Variants in ZC3H6 observed in about 807,000 individuals in gnomAD.
The protein encoded by ZC3H6 is zinc finger CCCH-type containing 6, also known as zinc finger CCCH domain-containing protein 6.
In ZC3H6, 40 loss-of-function variants were observed where a neutral mutation model predicts 107.7. That is an observed-to-expected ratio of 0.37 (90% CI 0.29 to 0.48). The LOEUF is 0.48. ZC3H6 is among the 20% of genes least tolerant of loss of function. The probability of loss-of-function intolerance (pLI) is 0.98; values close to 1 mark genes in which losing one functional copy is unlikely to be tolerated. For missense variants in ZC3H6, 1,267 were observed against 1,410.4 expected (o/e 0.90, Z 1.63); for synonymous variants, 493 against 487.9 (o/e 1.01, Z -0.14).
At chr2:112,297,993 T>C (rs990915985) in intron 1 of ZC3H6, among the ~76,000 whole-genome samples, 1 of 152,132 alleles carries the variant, frequency 6.6e-6, no homozygotes, top group Non-Finnish European at 1.5e-5. Flanking sequence ...CGTGTGCCTG[T>C]AATCCCAGCT....
rs1677185217 is a variant in ZC3H6, at chr2:112,338,853, GTGTATATATATATATATATATATATATA to G, written c.*6367_*6394del. The G allele has an allele frequency of 1.9e-5, 2 of 106,974 alleles. No individual in the cohort carries two copies. Among genetic ancestry groups the G allele is most frequent in the African/African-American group, 5.7e-5 (2 of 34,906 alleles). The allele number at this position is 106,974 out of a possible 1,614,324, so 6.6% of individuals were successfully genotyped here. A position where few individuals can be genotyped will look rare whatever the true frequency, so the allele number is the denominator to read the frequency against. On this transcript the variant is annotated 3_prime_UTR_variant, in exon 12 of 12. Coordinates refer to ENST00000409871, the MANE Select transcript of ZC3H6 (RefSeq NM_198581.3). ...ACTATATATATATGTATGTATATGTGTGTATATATATATATATATATATATATATATATATATATATATATATATATAT... is the reference window on the plus strand; with the variant it reads ...ACTATATATATATGTATGTATATGTGTATATATATATATATATATATATAT...
Position 112,275,901 on chromosome 2 carries a change from G to GGTTCCCGCAGGCGGCGCGGGGGGT in ZC3H6, c.-93_-70dup. The GGTTCCCGCAGGCGGCGCGGGGGGT allele has an allele frequency of 8.6e-7, 1 of 1,161,112 alleles. No individual in the cohort carries two copies. Among genetic ancestry groups the GGTTCCCGCAGGCGGCGCGGGGGGT allele is most frequent in the Non-Finnish European group, 1.2e-6 (1 of 841,416 alleles). The allele number at this position is 1,161,112 out of a possible 1,614,324, so 71.9% of individuals were successfully genotyped here. ...CACCTGTCGGCGGCGGCCGGGAGCA[G>GGTTCCCGCAGGCGGCGCGGGGGGT]GTTCCCGCAGGCGGCGCGGGGGGTC... is the stretch of plus-strand genomic sequence containing the variant. On this transcript the variant is annotated 5_prime_UTR_variant, in exon 1 of 12. Coordinates refer to ENST00000409871, the MANE Select transcript of ZC3H6 (RefSeq NM_198581.3).
In ZC3H6 at chr2:112,316,506, C is replaced by A. The variant is rs1011421510; in HGVS notation, c.784C>A (p.Gln262Lys). ...KPGKKWKVMT[Q>K]EFINQHTVEH... The stretch of plus-strand genomic sequence containing the variant: ...AGGGAAAAAATGGAAGGTTATGACT[C>A]AGGAATTTATTAATCAGCACACAGT... Residue 262 changes from glutamine to lysine, a missense_variant, in exon 6 of 12, where the codon CAG becomes AAG. Coordinates refer to ENST00000409871, the MANE Select transcript of ZC3H6 (RefSeq NM_198581.3). The A allele has an allele frequency of 6.2e-7, 1 of 1,608,328 alleles. No homozygotes were observed. The highest frequency in any genetic ancestry group is 8.5e-7 in the Non-Finnish European group (1 of 1,177,870).
At chr2:112,312,230 C>G in intron 5 of ZC3H6, 1 of 219,208 alleles carries the variant, frequency 4.6e-6, no homozygotes, top group South Asian at 1.1e-4. Flanking sequence ...TTGTGCTTTT[C>G]TTTCCTAGGA....
intron 1 of ZC3H6, among the ~76,000 whole-genome samples, chr2:112,287,288 C>A (rs865784532): frequency 6.6e-6 from 1 of 151,926 alleles, no homozygotes; most frequent in Non-Finnish European, 1.5e-5. Context: ...TAAATCAATT[C>A]TAGCTTAGAT....
intron 1 of ZC3H6, among the ~76,000 whole-genome samples, chr2:112,292,522 C>T: frequency 6.6e-6 from 1 of 152,256 alleles, no homozygotes; most frequent in East Asian, 1.9e-4. Context: ...AGATTGATGA[C>T]CAAAGATTTC....
chr2:112,278,852 C>G (rs1277135183), intron 1 of ZC3H6, among the ~76,000 whole-genome samples: 3 of 152,152 alleles, frequency 2.0e-5, no homozygotes, highest in Non-Finnish European at 4.4e-5. Flanking sequence ...AACTCCTGGG[C>G]TCCAGCCATC....
intron 8 of ZC3H6, among the ~76,000 whole-genome samples, 156 bp downstream of exon 8, chr2:112,322,021 C>T (rs1465245999): frequency 6.6e-6 from 1 of 151,974 alleles, no homozygotes; most frequent in Non-Finnish European, 1.5e-5. Flanking sequence ...CCTTTTTGAA[C>T]CTCATTCTGT....
intron 1 of ZC3H6, among the ~76,000 whole-genome samples, chr2:112,279,551 C>T (rs1686490581): frequency 6.6e-6 from 1 of 152,064 alleles, no homozygotes; most frequent in African/African-American, 2.4e-5. Context: ...ACATAAACAA[C>T]CTCCCCACCC....
chr2:112,302,046 G>A (rs1676389313), intron 2 of ZC3H6, among the ~76,000 whole-genome samples: 1 of 151,936 alleles, frequency 6.6e-6, no homozygotes, highest in Admixed American at 6.6e-5. Flanking sequence ...CAAAAAGTCT[G>A]AGACTTTTTG....
intron 11 of ZC3H6, among the ~76,000 whole-genome samples, chr2:112,327,950 T>C (rs965747077): frequency 3.3e-5 from 5 of 152,102 alleles, no homozygotes; most frequent in Non-Finnish European, 5.9e-5. Context: ...TGTACAGTGG[T>C]GCGATCTCGG....
rs1226788574 is a variant in ZC3H6 at position 112,339,582 on chromosome 2, G to T, written c.*7094G>T. 1 of 152,104 alleles carries T rather than the reference G, an allele frequency of 6.6e-6. No homozygotes were observed. Among genetic ancestry groups the T allele is most frequent in the African/African-American group, 2.4e-5 (1 of 41,382 alleles). The allele number at this position is 152,104 out of a possible 1,614,324, so 9.4% of individuals were successfully genotyped here. On this transcript the variant is annotated 3_prime_UTR_variant, in exon 12 of 12. Coordinates refer to ENST00000409871, the MANE Select transcript of ZC3H6 (RefSeq NM_198581.3). Reference sequence around the variant, plus strand: ...AGGGCATCTTTGTATGTGTGTTGCTGGTTGGGGCCAGGGACGGGGGCAGGC... The same window carrying T: ...AGGGCATCTTTGTATGTGTGTTGCTTGTTGGGGCCAGGGACGGGGGCAGGC...
rs375994152 is a variant in ZC3H6 at position 112,331,070 on chromosome 2, A to G, written c.2152A>G (p.Lys718Glu). The part of the protein sequence containing the change: ...EEGSSVKSIL[K>E]TLQKQTETLR... ...AGGAAGCAGTGTCAAATCAATACTGAAAACATTACAGAAACAAACAGAAAC... is the reference window on the plus strand; with the variant it reads ...AGGAAGCAGTGTCAAATCAATACTGGAAACATTACAGAAACAAACAGAAAC... The change falls in exon 12 of 12, where the codon AAA becomes GAA. Residue 718 changes from lysine (K) to glutamate (E), a missense_variant. By Grantham distance (56) the Lys-to-Glu change is moderately conservative. Coordinates refer to ENST00000409871, the MANE Select transcript of ZC3H6 (RefSeq NM_198581.3). The G allele has an allele frequency of 1.3e-6, 2 of 1,594,420 alleles. No homozygotes were observed. Among genetic ancestry groups the G allele is most frequent in the African/African-American group, 2.7e-5 (2 of 74,702 alleles).
Position 112,339,200 on chromosome 2 carries a change from A to C in ZC3H6, c.*6712A>C, listed in dbSNP as rs1269488198. 6.6e-6 allele frequency: 1 copy of C among 152,086 alleles called. No homozygotes were observed. Among genetic ancestry groups the C allele is most frequent in the African/African-American group, 2.4e-5 (1 of 41,438 alleles). 9.4% of individuals were successfully genotyped at this position (152,086 alleles called of 1,614,324 possible). A position where few individuals can be genotyped will look rare whatever the true frequency, so the allele number is the denominator to read the frequency against. On this transcript the variant is annotated 3_prime_UTR_variant, in exon 12 of 12. Transcript: ENST00000409871. Reference sequence around the variant, plus strand: ...TGAGCCACCACACCTGGCCTAGACTATACCTTTTATACACTTTTTAAATAG... The same window carrying C: ...TGAGCCACCACACCTGGCCTAGACTCTACCTTTTATACACTTTTTAAATAG...
At chr2:112,322,584 C>A in intron 8 of ZC3H6, 65 bp from the exon 9 acceptor site, 1 of 1,502,604 alleles carries the variant, frequency 6.7e-7, no homozygotes, top group Non-Finnish European at 8.9e-7. Context: ...AAACTTAAGT[C>A]TTCTAGTTTT....
At chr2:112,313,880 A>G (rs1676639248) in intron 5 of ZC3H6, among the ~76,000 whole-genome samples, 1 of 152,158 alleles carries the variant, frequency 6.6e-6, no homozygotes, top group East Asian at 1.9e-4. Flanking sequence ...GATTCATCAT[A>G]ATTTTTTTGA....
rs1676331510 is a variant in ZC3H6, at chr2:112,299,755, A to G, written c.33-94A>G. The G allele has an allele frequency of 6.8e-6, 7 of 1,029,824 alleles. No homozygotes were observed. The South Asian group carries it at 1.6e-4, about 24-fold the overall frequency. The allele number at this position is 1,029,824 out of a possible 1,614,324, so 63.8% of individuals were successfully genotyped here. ...AAGTGCTTGTCTAAATGAATATAAC[A>G]TAAATCCTTGGCATATGCTTTTTTT... On this transcript the variant is annotated intron_variant, in intron 1 of 11. Transcript: ENST00000409871.
intron 3 of ZC3H6, among the ~76,000 whole-genome samples, chr2:112,308,792 A>G (rs948995984): frequency 3.3e-5 from 5 of 150,044 alleles, no homozygotes; most frequent in South Asian, 2.2e-4. Context: ...AGTGGGTCAC[A>G]CCTGTAATCC....
Position 112,337,687 on chromosome 2 carries a change from T to C in ZC3H6, c.*5199T>C, listed in dbSNP as rs1251439215. 2 of 152,222 alleles carry C rather than the reference T, an allele frequency of 1.3e-5. No individual in the cohort carries two copies. The highest frequency in any genetic ancestry group is 4.8e-5 in the African/African-American group (2 of 41,410). The allele number at this position is 152,222 out of a possible 1,614,324, so 9.4% of individuals were successfully genotyped here. A position where few individuals can be genotyped will look rare whatever the true frequency, so the allele number is the denominator to read the frequency against. On this transcript the variant is annotated 3_prime_UTR_variant, in exon 12 of 12. Coordinates refer to ENST00000409871, the MANE Select transcript of ZC3H6 (RefSeq NM_198581.3). ...CTCAGGCTGAAGTGCAGTGGCGCTA[T>C]CAGCTCACAGCAGCCTCCGCCTCCC... is the stretch of plus-strand genomic sequence containing the variant.
Sources: allele counts gnomAD v4.1 joint callset (sites outside exome capture counted in the v4.1 genomes callset), GRCh38; gene constraint gnomAD v4.1.1; transcripts MANE v1.5; gene names NCBI Gene and HGNC (gene_info 2026-07-23, HGNC 2026-07-21).